Variants in CHADL observed in about 807,000 individuals in gnomAD.
CHADL encodes the protein chondroadherin like, also known as chondroadherin-like protein.
A neutral mutation model predicts 52.1 loss-of-function variants in CHADL; 48 were observed. That is an observed-to-expected ratio of 0.92 (90% CI 0.73 to 1.17). The LOEUF (loss-of-function observed/expected upper bound fraction) is 1.17. CHADL is among the 50% of genes most tolerant of loss of function. The pLI is 0.00. For synonymous variants in CHADL, 498 were observed against 511.2 expected (o/e 0.97, Z 0.35); for missense variants, 977 against 1,035.1 (o/e 0.94, Z 0.77).
chr22:41,233,193 G>A (rs1458693361), intron 5 of CHADL, among the ~76,000 whole-genome samples: 2 of 152,132 alleles, frequency 1.3e-5, no homozygotes, highest in Non-Finnish European at 2.9e-5. Flanking sequence ...TGGGCGCAGT[G>A]GCTCACACCT....
Position 41,229,881 on chromosome 22 carries a change from C to G in CHADL, c.2263-151G>C, listed in dbSNP as rs534152013. Among the ~76,000 whole-genome samples, 7 of 152,340 alleles carry G rather than the reference C, an allele frequency of 4.6e-5. No homozygotes were observed. In the East Asian group the frequency reaches 1.4e-3, roughly 30 times the overall value. On this transcript the variant is annotated intron_variant, in intron 5 of 5. Transcript: ENST00000216241. ...AGCCCGGCCCCGGCCCCTCCTCCTC[C>G]TCCATCTCTACCCCTACCTCTAGTG...
At position 41,238,208 on chromosome 22, in the gene CHADL, G is replaced by C; in HGVS notation, c.864C>G (p.Asn288Lys). The change falls in exon 3 of 6, where the codon AAC becomes AAG. Residue 288 changes from asparagine to lysine, a missense_variant. Asn to Lys is a moderately conservative substitution (Grantham distance 94). Transcript: ENST00000216241. This position sits in a 1 kb window ranked among gnomAD's most constrained non-coding sequence, Gnocchi z 4.9. ...PRLHTLDLRGNQLDTLPPLQG... is the reference protein window; with the variant it reads ...PRLHTLDLRGKQLDTLPPLQG... ...GCAGCGGGGGCAGGGTGTCTAGCTG[G>C]TTCCCGCGGAGGTCGAGGGTGTGCA... The C allele has an allele frequency of 6.6e-7, 1 of 1,523,936 alleles. No individual in the cohort carries two copies. Among genetic ancestry groups the C allele is most frequent in the Non-Finnish European group, 8.7e-7 (1 of 1,142,892 alleles). The allele number at this position is 1,523,936 out of a possible 1,614,324, so 94.4% of individuals were successfully genotyped here. A position where few individuals can be genotyped will look rare whatever the true frequency, so the allele number is the denominator to read the frequency against.
At chr22:41,230,173 C>A (rs138870411) in intron 5 of CHADL, 1 of 1,457,658 alleles carries the variant, frequency 6.9e-7, no homozygotes, top group South Asian at 1.1e-5. Flanking sequence ...AGCATCTAGA[C>A]GTGGCCTCGC....
At position 41,237,749 on chromosome 22, in the gene CHADL, G is replaced by A. The variant is rs1601558872; in HGVS notation, c.1323C>T (p.Pro441=). Residue 441 remains proline (P), a synonymous_variant, in exon 3 of 6, where the codon CCC becomes CCT. Transcript: ENST00000216241. ...DLRRNHFPSV[P]RAAFPGLGHL... The stretch of plus-strand genomic sequence containing the variant: ...GGCCCAGGCCGGGGAAGGCCGCTCG[G>A]GGCACCGAGGGGAAGTGGTTCCGCC... The A allele has an allele frequency of 6.5e-7, 1 of 1,539,326 alleles. No individual in the cohort carries two copies. The highest frequency in any genetic ancestry group is 2.5e-5 in the East Asian group (1 of 40,738).
intron 5 of CHADL, chr22:41,230,314 AC>A (rs1257811030): frequency 8.4e-7 from 1 of 1,184,420 alleles, no homozygotes; most frequent in Non-Finnish European, 1.3e-6. Context: ...TACCACCACC[AC>A]CATGCCTCCA....
At chr22:41,239,342 G>T in intron 2 of CHADL, 101 bp downstream of exon 2, 2 of 1,061,620 alleles carry the variant, frequency 1.9e-6, no homozygotes, top group South Asian at 1.5e-5. Context: ...GGTCTCCCGG[G>T]CAGGCGGTGG....
chr22:41,240,216 T>C (rs908950386), intron 1 of CHADL, among the ~76,000 whole-genome samples: 8 of 152,166 alleles, frequency 5.3e-5, no homozygotes, highest in Non-Finnish European at 1.2e-4. Context: ...GCCTCTTGAG[T>C]AGCTGGGACT....
In CHADL at chr22:41,235,206, G is replaced by A; in HGVS notation, c.2201C>T (p.Pro734Leu). Residue 734 changes from proline to leucine, a missense_variant, in exon 5 of 6, where the codon CCA becomes CTA. Pro to Leu is a moderately conservative substitution (Grantham distance 98). Transcript: ENST00000216241. ...GWAARKAKRT[P>L]ASRPSARRTP... ...TCTCCTGGCACTGGGCCTGGAGGCTGGTGTCCGCTTGGCCTTTCTGGCAGC... is the reference window on the plus strand; with the variant it reads ...TCTCCTGGCACTGGGCCTGGAGGCTAGTGTCCGCTTGGCCTTTCTGGCAGC... The A allele has an allele frequency of 6.4e-7, 1 of 1,551,518 alleles. No homozygotes were observed. Among genetic ancestry groups the A allele is most frequent in the Non-Finnish European group, 8.7e-7 (1 of 1,147,022 alleles).
Position 41,237,970 on chromosome 22 carries a change from G to C in CHADL, c.1102C>G (p.Leu368Val). 1 of 1,261,422 alleles carries C rather than the reference G, an allele frequency of 7.9e-7. No individual in the cohort carries two copies. Among genetic ancestry groups the C allele is most frequent in the Non-Finnish European group, 9.9e-7 (1 of 1,008,578 alleles). The allele number at this position is 1,261,422 out of a possible 1,614,324, so 78.1% of individuals were successfully genotyped here. The change falls in exon 3 of 6, where the codon CTG (leucine) becomes GTG (valine). Residue 368 changes from leucine (L) to valine (V), a missense_variant. Coordinates refer to ENST00000216241, the MANE Select transcript of CHADL (RefSeq NM_138481.2). Reference sequence around the variant, plus strand: ...GGCCCGGCCACAGCCCGCTCTTCCAGCTCTTCCTCTTCCTGCGCCGCGTCC... The same window carrying C: ...GGCCCGGCCACAGCCCGCTCTTCCACCTCTTCCTCTTCCTGCGCCGCGTCC... ...PGDAAQEEEE[L>V]EERAVAGPRA... is the part of the protein sequence containing the mutation.
Position 41,237,323 on chromosome 22 carries a change from C to G in CHADL, c.1749G>C (p.Glu583Asp). The change falls in exon 3 of 6, where the codon GAG (glutamate) becomes GAC (aspartate). Residue 583 changes from glutamate to aspartate, a missense_variant. Coordinates refer to ENST00000216241, the MANE Select transcript of CHADL (RefSeq NM_138481.2). The part of the protein sequence containing the change: ...KLHLDRNQLR[E>D]VPTGALEGLP... ...GCCCCTCCAAGGCCCCAGTGGGCAC[C>G]TCTCGCAGCTGATTCCTGTCCAGGT... 2 of 1,550,666 alleles carry G rather than the reference C, an allele frequency of 1.3e-6. No individual in the cohort carries two copies. Among genetic ancestry groups the G allele is most frequent in the Non-Finnish European group, 1.7e-6 (2 of 1,146,948 alleles).
intron 1 of CHADL, among the ~76,000 whole-genome samples, chr22:41,240,502 G>C (rs1009212864): frequency 2.0e-5 from 3 of 152,240 alleles, no homozygotes; most frequent in African/African-American, 7.2e-5. Context: ...CTGTTTTGGA[G>C]TCTCCTTTGG....
chr22:41,235,167 C>A lies in CHADL; in HGVS notation c.2240G>T (p.Gly747Val). ...RPSARRTPIK[G>V]RQCGADKVGK... is the part of the protein sequence containing the mutation. ...AACCTTATCTGCTCCACACTGTCTTCCTTTGATGGGGGTTCTCCTGGCACT... is the reference window on the plus strand; with the variant it reads ...AACCTTATCTGCTCCACACTGTCTTACTTTGATGGGGGTTCTCCTGGCACT... The change falls in exon 5 of 6, where the codon GGA becomes GTA. Residue 747 changes from glycine (G) to valine (V), a missense_variant. Transcript: ENST00000216241. 6.4e-7 allele frequency: 1 copy of A among 1,551,512 alleles called. No homozygotes were observed. Among genetic ancestry groups the A allele is most frequent in the Non-Finnish European group, 8.7e-7 (1 of 1,147,016 alleles).
intron 5 of CHADL, among the ~76,000 whole-genome samples, chr22:41,233,614 AG>A (rs1319228919): frequency 6.6e-6 from 1 of 152,202 alleles, no homozygotes; most frequent in East Asian, 1.9e-4. Flanking sequence ...GGAAGAGGCA[AG>A]GGGGACCCTT....
intron 1 of CHADL, 94 bp downstream of exon 1, chr22:41,240,780 C>T (rs934834199): frequency 1.4e-6 from 2 of 1,464,378 alleles, no homozygotes; most frequent in Non-Finnish European, 1.9e-6. Flanking sequence ...CCCCTGCCCG[C>T]CAGCCTCTGA....
Position 41,238,986 on chromosome 22 carries a change from C to G in CHADL, c.187-101G>C. On this transcript the variant is annotated intron_variant, in intron 2 of 5. Coordinates refer to ENST00000216241, the MANE Select transcript of CHADL (RefSeq NM_138481.2). The surrounding 1 kb of genome is among the most constrained non-coding windows in gnomAD (Gnocchi z 4.9). The stretch of plus-strand genomic sequence containing the variant: ...ACACTCTTTTCTCCTGTCACCTTTC[C>G]CATATTTCTCTTCATCCGACCCCTG... 1.4e-6 allele frequency: 2 copies of G among 1,399,828 alleles called. No individual in the cohort carries two copies. The highest frequency in any genetic ancestry group is 9.4e-7 in the Non-Finnish European group (1 of 1,060,360). The allele number at this position is 1,399,828 out of a possible 1,614,324, so 86.7% of individuals were successfully genotyped here.
chr22:41,230,201 C>T, intron 5 of CHADL: 1 of 1,596,876 alleles, frequency 6.3e-7, no homozygotes, highest in Middle Eastern at 1.7e-4. Flanking sequence ...GGCTTCAAGT[C>T]CAGAGCTGCC....
At position 41,240,873 on chromosome 22, in the gene CHADL, C is replaced by A. The variant is rs1262343855; in HGVS notation, c.8+1G>T. 3 of 1,550,666 alleles carry A rather than the reference C, an allele frequency of 1.9e-6. No homozygotes were observed. The Admixed American group carries it at 5.9e-5, about 30-fold the overall frequency. On this transcript the variant is annotated splice_donor_variant, in intron 1 of 5. Transcript: ENST00000216241. LOFTEE classifies it high-confidence loss of function. ...TTGCACCATCGGGCCCAAAGACTCA[C>A]CCCTCCATGCCGCCTGGAACTGCTG...
At chr22:41,234,364 CATT>C (rs71200674) in intron 5 of CHADL, among the ~76,000 whole-genome samples, 4,671 of 139,318 alleles carry the variant, frequency 0.034, 77 homozygotes, top group Middle Eastern at 0.077. Flanking sequence ...GGAGGATGGA[CATT>C]ATTATTATTA....
At chr22:41,236,213 T>C (rs2032737219) in intron 4 of CHADL, among the ~76,000 whole-genome samples, 1 of 152,244 alleles carries the variant, frequency 6.6e-6, no homozygotes. Flanking sequence ...TGGTCTCGCC[T>C]ACCTATTAGG....
Sources: gnomAD v4.1 joint callset for allele counts (sites outside exome capture counted in the v4.1 genomes callset) on GRCh38, gnomAD v4.1.1 for gene constraint, Gnocchi (gnomAD v3.1) non-coding constraint, MANE v1.5 for transcripts, NCBI Gene and HGNC (gene_info 2026-07-23, HGNC 2026-07-21) for gene names.